The following MIGA2 variants were observed in gnomAD, a reference collection of about 807,000 sequenced individuals.
The protein encoded by MIGA2 is family with sequence similarity 73, member B.
In MIGA2, 36 loss-of-function variants were observed where a neutral mutation model predicts 69.9. That is an observed-to-expected ratio of 0.52 (90% confidence interval 0.39 to 0.68). MIGA2 has a LOEUF of 0.68. Among genes scored for constraint, MIGA2 ranks in the 30% least tolerant of loss-of-function variants. The pLI is 0.00. For synonymous variants in MIGA2, 333 were observed against 349.2 expected (o/e 0.95, Z 0.52); for missense variants, 660 against 787.7 (o/e 0.84, Z 1.94).
intron 1 of MIGA2, 54 bp from the exon 2 acceptor site, chr9:129,040,398 C>T (rs1844833563): frequency 1.6e-6 from 2 of 1,281,020 alleles, no homozygotes; most frequent in South Asian, 2.0e-5. Flanking sequence ...GAGTGCATTT[C>T]TGCATGTTCC....
In MIGA2 at chr9:129,070,744, C is replaced by T. The variant is rs1011045928; in HGVS notation, c.*291C>T. 2.2e-6 allele frequency: 1 copy of T among 461,450 alleles called. No individual in the cohort carries two copies. Among genetic ancestry groups the T allele is most frequent in the African/African-American group, 1.9e-5 (1 of 51,768 alleles). 28.6% of individuals were successfully genotyped at this position (461,450 alleles called of 1,614,324 possible). On this transcript the variant is annotated 3_prime_UTR_variant, in exon 16 of 16. Transcript: ENST00000684074. ...TGCCCCAGGTGGGGGACCCCAAAAC[C>T]TCCCATCGCTCCAGGGCTGCTGACA... is the stretch of plus-strand genomic sequence containing the variant.
chr9:129,060,408 C>T lies in MIGA2; in HGVS notation c.794-142C>T, dbSNP rs1218946313. The T allele has an allele frequency of 2.9e-6, 2 of 679,638 alleles. No individual in the cohort carries two copies. The highest frequency in any genetic ancestry group is 1.9e-5 in the South Asian group (1 of 52,540). 42.1% of individuals were successfully genotyped at this position (679,638 alleles called of 1,614,324 possible). On this transcript the variant is annotated intron_variant, in intron 7 of 15. Transcript: ENST00000684074. This position sits in a 1 kb window ranked among gnomAD's most constrained non-coding sequence, Gnocchi z 4.8. ...CCTCACACAGAAGCGCTTGGCACGT[C>T]AGAGCTTTGCCATTGAGTGTGGGAA...
intron 6 of MIGA2, among the ~76,000 whole-genome samples, chr9:129,058,355 A>T (rs997424746): frequency 1.3e-5 from 2 of 148,582 alleles, no homozygotes; most frequent in Non-Finnish European, 3.0e-5. Flanking sequence ...GTTAGATGTG[A>T]TTGCGCCACT....
chr9:129,043,296 A>T (rs1019064708), intron 3 of MIGA2, among the ~76,000 whole-genome samples: 1 of 151,828 alleles, frequency 6.6e-6, no homozygotes, highest in African/African-American at 2.4e-5. Flanking sequence ...GACCACCACC[A>T]TAGTTAGGAA....
At chr9:129,041,430 G>T (rs1429388273) in intron 2 of MIGA2, among the ~76,000 whole-genome samples, 1 of 152,072 alleles carries the variant, frequency 6.6e-6, no homozygotes, top group African/African-American at 2.4e-5. Context: ...GGAAGCGGAG[G>T]TTGCAGTGAG....
chr9:129,046,347 A>G (rs1485623336), intron 3 of MIGA2, among the ~76,000 whole-genome samples: 2 of 151,822 alleles, frequency 1.3e-5, no homozygotes, highest in Admixed American at 6.6e-5. Flanking sequence ...CTAACAAAAT[A>G]TTGGCCATGT....
At chr9:129,052,154 C>G (rs1282790856) in intron 6 of MIGA2, among the ~76,000 whole-genome samples, 3 of 148,946 alleles carry the variant, frequency 2.0e-5, no homozygotes, top group Non-Finnish European at 4.5e-5. Context: ...AAGGTGTGGC[C>G]TCACTCTGTT....
rs772558088 is a variant in MIGA2, at chr9:129,049,464, C to T, written c.504C>T (p.Thr168=). The T allele has an allele frequency of 2.7e-5, 44 of 1,613,448 alleles. No individual in the cohort carries two copies. Among genetic ancestry groups the T allele is most frequent in the Admixed American group, 6.7e-5 (4 of 59,912 alleles). Residue 168 remains threonine, a synonymous_variant, in exon 5 of 16, where the codon ACC becomes ACT. Coordinates refer to ENST00000684074, the MANE Select transcript of MIGA2 (RefSeq NM_001329990.2). ...DARGMEESLT[T]SDGNAESLYM... ...GAGGGATGGAGGAGTCTCTGACCAC[C>T]AGCGACGGCAATGCAGAGAGCCTGT...
At chr9:129,067,658 G>GCCTGCTGCGTGGGGATGGGC in intron 11 of MIGA2, 115 bp from the exon 12 acceptor site, 1 of 878,774 alleles carries the variant, frequency 1.1e-6, no homozygotes, top group South Asian at 1.6e-5. Context: ...TTTTCTCTGT[G>GCCTGCTGCGTGGGGATGGGC]CCTGCTGCGT....
intron 6 of MIGA2, among the ~76,000 whole-genome samples, chr9:129,053,627 A>G (rs113073098): frequency 0.022 from 3,276 of 152,194 alleles, 124 homozygotes; most frequent in Admixed American, 0.093. Flanking sequence ...TCGGCCTCGC[A>G]ACGTGCTGAG....
At chr9:129,048,269 C>G (rs1017461310) in intron 3 of MIGA2, among the ~76,000 whole-genome samples, 158 bp from the exon 4 acceptor site, 5 of 152,216 alleles carry the variant, frequency 3.3e-5, no homozygotes, top group Admixed American at 3.3e-4. Flanking sequence ...CGCTTTTCTC[C>G]TGAGTGCACG....
intron 11 of MIGA2, among the ~76,000 whole-genome samples, chr9:129,066,406 G>C (rs1212321148): frequency 6.6e-6 from 1 of 152,222 alleles, no homozygotes; most frequent in Middle Eastern, 3.2e-3. Flanking sequence ...TGGGCGCAGT[G>C]GCTCACGCCT....
intron 6 of MIGA2, among the ~76,000 whole-genome samples, chr9:129,053,455 C>A (rs1274744488): frequency 6.6e-6 from 1 of 151,114 alleles, no homozygotes; most frequent in Non-Finnish European, 1.5e-5. Context: ...CTTCTGTCTC[C>A]CAGGTTCAAG....
rs1207593946 is a variant in MIGA2 at position 129,069,233 on chromosome 9, C to T, written c.1458+104C>T. On this transcript the variant is annotated intron_variant, in intron 14 of 15. Transcript: ENST00000684074. The surrounding 1 kb of genome is among the most constrained non-coding windows in gnomAD (Gnocchi z 4.9). ...GCTCGCTGGGCCACTTGGCCTTCAC[C>T]GCTCACAGTCCTGGCCCCCTTGTTC... 9.3e-6 allele frequency: 13 copies of T among 1,404,422 alleles called. 1 individual carries two copies. The highest frequency in any genetic ancestry group is 2.2e-4 in the Middle Eastern group (1 of 4,538). 87.0% of individuals were successfully genotyped at this position (1,404,422 alleles called of 1,614,324 possible). A position where few individuals can be genotyped will look rare whatever the true frequency, so the allele number is the denominator to read the frequency against.
At chr9:129,062,404 T>A (rs1483211629) in intron 9 of MIGA2, among the ~76,000 whole-genome samples, 2 of 151,156 alleles carry the variant, frequency 1.3e-5, no homozygotes, top group Non-Finnish European at 2.9e-5. Context: ...TGGTGGCACA[T>A]ACCTGTAGTC....
chr9:129,037,980 G>A (rs1464838526), intron 1 of MIGA2, among the ~76,000 whole-genome samples: 5 of 152,170 alleles, frequency 3.3e-5, no homozygotes, highest in Non-Finnish European at 5.9e-5. Context: ...AAAGCCTGTC[G>A]TGGAGAGCCT....
chr9:129,040,569 A>T lies in MIGA2; in HGVS notation c.-26A>T. The T allele has an allele frequency of 1.2e-6, 2 of 1,601,834 alleles. No homozygotes were observed. Among genetic ancestry groups the T allele is most frequent in the Non-Finnish European group, 1.7e-6 (2 of 1,171,390 alleles). On this transcript the variant is annotated 5_prime_UTR_variant, in exon 2 of 16. Transcript: ENST00000684074. ...TCCTTGGAAGCTCTTGGCCCTGAGG[A>T]CTTTGCCTGGGGCATTGGCCCTGCC... is the stretch of plus-strand genomic sequence containing the variant.
chr9:129,064,230 A>C (rs1408017852), intron 11 of MIGA2, among the ~76,000 whole-genome samples: 1 of 151,446 alleles, frequency 6.6e-6, no homozygotes, highest in Admixed American at 6.6e-5. Flanking sequence ...TTTTTGAGAC[A>C]GAGTCTCGCT....
intron 2 of MIGA2, among the ~76,000 whole-genome samples, chr9:129,041,207 C>T (rs1401945765): frequency 2.0e-5 from 3 of 152,128 alleles, no homozygotes; most frequent in Non-Finnish European, 4.4e-5. Flanking sequence ...TGGTGGTGTG[C>T]ACCTGTAGTC....
Sources: gnomAD v4.1 joint callset for allele counts (sites outside exome capture counted in the v4.1 genomes callset) on GRCh38, gnomAD v4.1.1 for gene constraint, Gnocchi (gnomAD v3.1) non-coding constraint, MANE v1.5 for transcripts, NCBI Gene and HGNC (gene_info 2026-07-23, HGNC 2026-07-21) for gene names.